Variants in PTPRT observed in about 807,000 individuals in gnomAD.
PTPRT encodes the protein receptor-type tyrosine-protein phosphatase T.
PTPRT carries 56 observed loss-of-function variants against 176.8 expected under a neutral mutation model. That is an observed-to-expected ratio of 0.32 (90% CI 0.26 to 0.40). PTPRT has a LOEUF of 0.40. PTPRT is among the 10% of genes least tolerant of loss of function. The pLI, the probability that PTPRT is intolerant of heterozygous loss-of-function variation, is 1.00. For synonymous variants in PTPRT, 783 were observed against 739.0 expected, an observed-to-expected ratio of 1.06 and a Z score of -0.96; for missense variants, 1,540 against 1,908.2, an observed-to-expected ratio of 0.81 and a Z score of 3.60.
At chr20:42,557,505 A>G (rs747340160) in intron 7 of PTPRT, among the ~76,000 whole-genome samples, 1 of 151,852 alleles carries the variant, frequency 6.6e-6, no homozygotes, top group South Asian at 2.1e-4. Context: ...TCATAACCCC[A>G]CCTTTCATGA....
intron 17 of PTPRT, among the ~76,000 whole-genome samples, chr20:42,149,988 T>G (rs1275426088): frequency 6.6e-6 from 1 of 152,188 alleles, no homozygotes; most frequent in Non-Finnish European, 1.5e-5. Flanking sequence ...ACTCAGTCCA[T>G]AGGACTATGA....
chr20:42,634,871 T>C (rs1232194369), intron 7 of PTPRT, among the ~76,000 whole-genome samples: 4 of 152,148 alleles, frequency 2.6e-5, no homozygotes, highest in Middle Eastern at 3.2e-3. Flanking sequence ...CTCAATTTGA[T>C]TATAAAACAA....
At chr20:42,581,241 C>T (rs1438976561) in intron 7 of PTPRT, among the ~76,000 whole-genome samples, 1 of 152,192 alleles carries the variant, frequency 6.6e-6, no homozygotes, top group African/African-American at 2.4e-5. Context: ...ATCACTTCCT[C>T]AATGAGGCCT....
intron 2 of PTPRT, among the ~76,000 whole-genome samples, chr20:42,848,926 C>T (rs2078424147): frequency 6.6e-6 from 1 of 152,172 alleles, no homozygotes; most frequent in African/African-American, 2.4e-5. Flanking sequence ...ATGTTATCTT[C>T]TAGAATTTTT....
intron 9 of PTPRT, among the ~76,000 whole-genome samples, chr20:42,371,931 C>A (rs2058592176): frequency 6.6e-6 from 1 of 152,140 alleles, no homozygotes; most frequent in Admixed American, 6.5e-5. Context: ...GGGGCTGAGT[C>A]TCCATGTAGG....
intron 1 of PTPRT, among the ~76,000 whole-genome samples, chr20:42,988,923 T>C (rs866010620): frequency 6.6e-6 from 1 of 152,236 alleles, no homozygotes; most frequent in Non-Finnish European, 1.5e-5. Flanking sequence ...CTGCTACATC[T>C]AAGACACTTC....
chr20:42,059,164 C>T, the PTPRT span, among the ~76,000 whole-genome samples: 1 of 152,096 alleles, frequency 6.6e-6, no homozygotes, highest in Non-Finnish European at 1.5e-5. Flanking sequence ...ATGATGTTGC[C>T]CCAGGCCACA....
intron 15 of PTPRT, among the ~76,000 whole-genome samples, chr20:42,206,750 G>GC (rs2055477956): frequency 6.6e-6 from 1 of 152,276 alleles, no homozygotes; most frequent in Non-Finnish European, 1.5e-5. Flanking sequence ...AAACAAAGCA[G>GC]CCCGGAAGCT....
intron 6 of PTPRT, among the ~76,000 whole-genome samples, chr20:42,749,449 A>C (rs1468437697): frequency 6.6e-6 from 1 of 152,180 alleles, no homozygotes; most frequent in African/African-American, 2.4e-5. Flanking sequence ...TCACACCTGA[A>C]TGCAGGGTCT....
At chr20:42,733,083 T>C (rs1303646554) in intron 6 of PTPRT, among the ~76,000 whole-genome samples, 1 of 152,164 alleles carries the variant, frequency 6.6e-6, no homozygotes, top group African/African-American at 2.4e-5. Context: ...GTGCTTTACT[T>C]CCACCCTCAC....
At chr20:42,323,158 G>A (rs560067708) in intron 11 of PTPRT, among the ~76,000 whole-genome samples, 67 of 152,304 alleles carry the variant, frequency 4.4e-4, no homozygotes, top group African/African-American at 1.6e-3. Context: ...TTACACTGTT[G>A]GTGGGACTGT....
chr20:42,325,346 A>G (rs2057866450), intron 11 of PTPRT, among the ~76,000 whole-genome samples: 1 of 152,196 alleles, frequency 6.6e-6, no homozygotes, highest in East Asian at 1.9e-4. Flanking sequence ...CCCTTCTCCT[A>G]TGATTGAATT....
chr20:42,813,828 A>G (rs1001070845), intron 2 of PTPRT, among the ~76,000 whole-genome samples: 1 of 152,254 alleles, frequency 6.6e-6, no homozygotes, highest in Non-Finnish European at 1.5e-5. Context: ...GATTCACTAC[A>G]TCTACTTGCA....
chr20:42,746,127 G>T (rs2076687372), intron 6 of PTPRT, among the ~76,000 whole-genome samples: 7 of 152,180 alleles, frequency 4.6e-5, no homozygotes, highest in Admixed American at 4.6e-4. Context: ...AGCTGATAAA[G>T]TAGTCAAAAT....
At chr20:42,118,664 G>A (rs1000828686) in intron 20 of PTPRT, among the ~76,000 whole-genome samples, 164 bp from the exon 21 acceptor site, 2 of 152,098 alleles carry the variant, frequency 1.3e-5, no homozygotes, top group Non-Finnish European at 2.9e-5. Context: ...TGAGACATGT[G>A]AGCCTGATGG....
At chr20:42,997,500 A>G (rs981769122) in intron 1 of PTPRT, among the ~76,000 whole-genome samples, 92 of 152,280 alleles carry the variant, frequency 6.0e-4, no homozygotes, top group Non-Finnish European at 1.5e-4. Context: ...TAGTCAGGGA[A>G]GTGAGCCATT....
At chr20:42,776,731 A>AAT (rs2145485077) in intron 4 of PTPRT, among the ~76,000 whole-genome samples, 1 of 148,442 alleles carries the variant, frequency 6.7e-6, no homozygotes, top group South Asian at 2.1e-4. Context: ...TCATATAATT[A>AAT]TATATGATAT....
intron 1 of PTPRT, among the ~76,000 whole-genome samples, chr20:42,894,810 G>A (rs1406224297): frequency 6.6e-6 from 1 of 152,174 alleles, no homozygotes; most frequent in Non-Finnish European, 1.5e-5. Context: ...ACCAGGCATA[G>A]GGGGTAGGCT....
chr20:42,703,446 G>T (rs993450372), intron 6 of PTPRT, among the ~76,000 whole-genome samples: 2 of 152,180 alleles, frequency 1.3e-5, no homozygotes, highest in African/African-American at 2.4e-5. Context: ...AAAGAGCATT[G>T]TTACCAGGAG....
Sources: gnomAD v4.1 joint callset for allele counts (sites outside exome capture counted in the v4.1 genomes callset) on GRCh38, gnomAD v4.1.1 for gene constraint, MANE v1.5 for transcripts, NCBI Gene and HGNC (gene_info 2026-07-23, HGNC 2026-07-21) for gene names.